Variants in ZNF644 observed in about 807,000 individuals in gnomAD.
ZNF644 encodes the protein zinc finger motif enhancer binding protein 2.
ZNF644 carries 20 observed loss-of-function variants against 108.0 expected under a neutral mutation model. The ratio of observed to expected loss-of-function variants is 0.19; its 90% CI spans 0.13 to 0.27. The LOEUF is 0.27. Among genes scored for constraint, ZNF644 ranks in the 10% least tolerant of loss-of-function variants. ZNF644 has a pLI of 1.00. For synonymous variants in ZNF644, 542 were observed against 539.1 expected, an observed-to-expected ratio of 1.01 and a Z score of -0.08; for missense variants, 1,338 against 1,548.9, an observed-to-expected ratio of 0.86 and a Z score of 2.29.
chr1:90,956,123 C>G (rs114970104), intron 2 of ZNF644, among the ~76,000 whole-genome samples: 1 of 152,154 alleles, frequency 6.6e-6, no homozygotes, highest in Non-Finnish European at 1.5e-5. Context: ...TCACAACACA[C>G]ACAATATTGA....
chr1:91,001,062 A>G (rs1339924064), intron 1 of ZNF644, among the ~76,000 whole-genome samples: 2 of 152,182 alleles, frequency 1.3e-5, no homozygotes, highest in African/African-American at 4.8e-5. Context: ...CAACCAAAGA[A>G]AGTCCAGGAC....
chr1:90,957,194 G>A (rs1208567961), intron 2 of ZNF644, among the ~76,000 whole-genome samples: 3 of 152,022 alleles, frequency 2.0e-5, no homozygotes, highest in African/African-American at 4.8e-5. Context: ...AGGACTATGC[G>A]GTTTCACTGG....
chr1:91,016,940 C>T (rs1363933765), intron 1 of ZNF644, among the ~76,000 whole-genome samples: 1 of 152,192 alleles, frequency 6.6e-6, no homozygotes, highest in African/African-American at 2.4e-5. Context: ...TCAAGTGATT[C>T]TCCTGCCTCG....
chr1:90,995,979 A>G (rs901246207), intron 1 of ZNF644, among the ~76,000 whole-genome samples: 2 of 152,226 alleles, frequency 1.3e-5, no homozygotes, highest in African/African-American at 4.8e-5. Flanking sequence ...TAAGCCACCC[A>G]GTCTATAGTA....
intron 2 of ZNF644, among the ~76,000 whole-genome samples, chr1:90,978,808 T>A (rs1023896337): frequency 2.0e-5 from 3 of 146,566 alleles, no homozygotes. Context: ...ACCAACAACA[T>A]GACTAAACAC....
At chr1:90,968,968 A>T (rs2101245614) in intron 2 of ZNF644, among the ~76,000 whole-genome samples, 1 of 152,324 alleles carries the variant, frequency 6.6e-6, no homozygotes, top group South Asian at 2.1e-4. Context: ...TATTCATTAC[A>T]AAAATCAAAG....
chr1:90,985,589 A>G (rs1221094533), intron 1 of ZNF644, among the ~76,000 whole-genome samples: 1 of 152,196 alleles, frequency 6.6e-6, no homozygotes, highest in African/African-American at 2.4e-5. Flanking sequence ...TATTTCACTT[A>G]GCATAATGTC....
At chr1:90,977,598 T>G (rs1241066943) in intron 2 of ZNF644, among the ~76,000 whole-genome samples, 4 of 152,190 alleles carry the variant, frequency 2.6e-5, no homozygotes, top group Non-Finnish European at 5.9e-5. Flanking sequence ...AACAAATATT[T>G]AGCAGAATGT....
chr1:90,999,423 T>C (rs907594317), intron 1 of ZNF644, among the ~76,000 whole-genome samples: 17 of 152,154 alleles, frequency 1.1e-4, no homozygotes, highest in Admixed American at 9.2e-4. Context: ...CAACCCAGAA[T>C]TTCATAGCCA....
chr1:90,929,896 G>A (rs1472504327), intron 4 of ZNF644, among the ~76,000 whole-genome samples: 1 of 152,210 alleles, frequency 6.6e-6, no homozygotes, highest in Non-Finnish European at 1.5e-5. Context: ...TATTGCACTA[G>A]TGGTATTGAC....
At chr1:90,987,874 A>T (rs1448649427) in intron 1 of ZNF644, among the ~76,000 whole-genome samples, 1 of 152,182 alleles carries the variant, frequency 6.6e-6, no homozygotes, top group Non-Finnish European at 1.5e-5. Flanking sequence ...GGACAATTAA[A>T]CATATGAAAA....
chr1:91,015,205 A>G (rs1234499005), intron 1 of ZNF644, among the ~76,000 whole-genome samples: 6 of 152,192 alleles, frequency 3.9e-5, no homozygotes, highest in African/African-American at 1.4e-4. Context: ...TTATAAGCTT[A>G]AAATCCGTGT....
chr1:90,951,508 T>C (rs775388865), intron 2 of ZNF644, among the ~76,000 whole-genome samples: 8 of 152,218 alleles, frequency 5.3e-5, no homozygotes, highest in African/African-American at 9.7e-5. Flanking sequence ...GATGGAATGC[T>C]CTTTCTCCCA....
chr1:91,019,947 C>G (rs531014274), intron 1 of ZNF644, among the ~76,000 whole-genome samples: 49 of 152,284 alleles, frequency 3.2e-4, no homozygotes, highest in Non-Finnish European at 5.4e-4. Flanking sequence ...CAATAACATT[C>G]CCTTGTTTTT....
intron 4 of ZNF644, among the ~76,000 whole-genome samples, chr1:90,924,669 CT>C (rs1009908899): frequency 5.3e-5 from 8 of 152,164 alleles, no homozygotes; most frequent in African/African-American, 1.7e-4. Flanking sequence ...TCTGATTTGG[CT>C]TTTTATAGTT....
intron 1 of ZNF644, among the ~76,000 whole-genome samples, chr1:91,006,517 C>A (rs1659432928): frequency 6.6e-6 from 1 of 152,188 alleles, no homozygotes; most frequent in Non-Finnish European, 1.5e-5. Context: ...TAGGAGGGAA[C>A]ACTTCCTAAC....
intron 4 of ZNF644, among the ~76,000 whole-genome samples, chr1:90,925,057 A>C (rs973131491): frequency 6.6e-6 from 1 of 152,180 alleles, no homozygotes; most frequent in African/African-American, 2.4e-5. Context: ...ATTCTATCTT[A>C]ATCCAGATTA....
chr1:90,990,914 G>C (rs1657572511), intron 1 of ZNF644, among the ~76,000 whole-genome samples: 1 of 152,268 alleles, frequency 6.6e-6, no homozygotes, highest in African/African-American at 2.4e-5. Context: ...GAACGTGGTG[G>C]AGAAGAACTA....
At chr1:91,011,685 T>A (rs1445112298) in intron 1 of ZNF644, among the ~76,000 whole-genome samples, 1 of 152,218 alleles carries the variant, frequency 6.6e-6, no homozygotes, top group Non-Finnish European at 1.5e-5. Flanking sequence ...TTCACACTTG[T>A]AAGCAACTGT....
Sources: allele counts gnomAD v4.1 joint callset (sites outside exome capture counted in the v4.1 genomes callset), GRCh38; gene constraint gnomAD v4.1.1; transcripts MANE v1.5; gene names NCBI Gene and HGNC (gene_info 2026-07-23, HGNC 2026-07-21).